Variants in HSPG2 observed in about 807,000 individuals in gnomAD.
HSPG2 encodes the protein heparan sulfate proteoglycan 2.
A neutral mutation model predicts 526.6 loss-of-function variants in HSPG2; 278 were observed. That is an observed-to-expected ratio of 0.53 (90% CI 0.48 to 0.58). The LOEUF (loss-of-function observed/expected upper bound fraction) is 0.58. HSPG2 is among the 20% of genes least tolerant of loss of function. The pLI is 0.00. For missense variants in HSPG2, 5,354 were observed against 6,099.5 expected, an observed-to-expected ratio of 0.88 and a Z score of 4.07; for synonymous variants, 2,465 against 2,555.4, an observed-to-expected ratio of 0.96 and a Z score of 1.07.
At position 21,865,767 on chromosome 1, in the gene HSPG2, T is replaced by C. The variant is rs765410574; in HGVS notation, c.4264A>G (p.Thr1422Ala). ...AGTGGGCTGCCCTGTGGGCCTGCTGTGTAGGAGAGGGTGTATCGCAACTTC... is the reference window on the plus strand; with the variant it reads ...AGTGGGCTGCCCTGTGGGCCTGCTGCGTAGGAGAGGGTGTATCGCAACTTC... ...GGKLRYTLSY[T>A]AGPQGSPLSD... The change falls in exon 34 of 97, where the codon ACA (threonine) becomes GCA (alanine). Residue 1422 changes from threonine (T) to alanine (A), a missense_variant. Physicochemically the swap from Thr to Ala is moderately conservative, Grantham distance 58. Transcript: ENST00000374695. This position sits in a 1 kb window ranked among gnomAD's most constrained non-coding sequence, Gnocchi z 5.4. 4 of 1,613,858 alleles carry C rather than the reference T, an allele frequency of 2.5e-6. No individual in the cohort carries two copies. Among genetic ancestry groups the C allele is most frequent in the Middle Eastern group, 1.6e-4 (1 of 6,062 alleles).
In HSPG2 at chr1:21,876,210, CTT is replaced by C; in HGVS notation, c.3003+17_3003+18del. The C allele has an allele frequency of 6.3e-7, 1 of 1,593,892 alleles. No individual in the cohort carries two copies. The highest frequency in any genetic ancestry group is 8.5e-7 in the Non-Finnish European group (1 of 1,169,796). On this transcript the variant is annotated intron_variant, in intron 23 of 96. Coordinates refer to ENST00000374695, the MANE Select transcript of HSPG2 (RefSeq NM_005529.7). ...TCCTGCTGCCTGGAGTTTCCTTTGCCTTTCCACCCACTACCCACCTTGTCCCC... is the reference window on the plus strand; with the variant it reads ...TCCTGCTGCCTGGAGTTTCCTTTGCCTCCACCCACTACCCACCTTGTCCCC...
intron 55 of HSPG2, chr1:21,851,340 C>T (rs985838184): frequency 4.1e-5 from 27 of 663,328 alleles, no homozygotes; most frequent in East Asian, 8.2e-5. Flanking sequence ...GTAACTTGTC[C>T]GAGGTCACAA....
At chr1:21,905,969 C>T (rs1643357880) in intron 1 of HSPG2, among the ~76,000 whole-genome samples, 1 of 152,222 alleles carries the variant, frequency 6.6e-6, no homozygotes, top group Non-Finnish European at 1.5e-5. Flanking sequence ...ATGATTGCAC[C>T]ACTGTACTCC....
rs2152744981 is a variant in HSPG2 at position 21,872,811 on chromosome 1, C to T, written c.3889-51G>A. 6.3e-7 allele frequency: 1 copy of T among 1,591,248 alleles called. No homozygotes were observed. Among genetic ancestry groups the T allele is most frequent in the East Asian group, 2.3e-5 (1 of 43,960 alleles). ...GGCAGGGGACTCAGTGGGTCTCCTG[C>T]ACCCCCAGCAGCCTGAGGCCAGCCT... On this transcript the variant is annotated intron_variant, in intron 31 of 96. Transcript: ENST00000374695. The surrounding 1 kb of genome is among the most constrained non-coding windows in gnomAD (Gnocchi z 5.5).
At chr1:21,922,854 C>T (rs970437929) in intron 1 of HSPG2, among the ~76,000 whole-genome samples, 4 of 152,162 alleles carry the variant, frequency 2.6e-5, no homozygotes, top group African/African-American at 9.7e-5. Flanking sequence ...AGTACCCCCT[C>T]CTCGACCCCT....
At chr1:21,906,609 A>G (rs1425830975) in intron 1 of HSPG2, among the ~76,000 whole-genome samples, 2 of 151,978 alleles carry the variant, frequency 1.3e-5, no homozygotes, top group African/African-American at 4.8e-5. Context: ...TCCTGGACAC[A>G]GAAACTCTCG....
At chr1:21,902,532 C>T (rs1643157997) in intron 1 of HSPG2, among the ~76,000 whole-genome samples, 1 of 152,222 alleles carries the variant, frequency 6.6e-6, no homozygotes, top group African/African-American at 2.4e-5. Context: ...GTTACCTGCT[C>T]CAGGTCACAC....
In HSPG2 at chr1:21,859,856, C is replaced by T. The variant is rs527364706; in HGVS notation, c.5161G>A (p.Gly1721Ser). The T allele has an allele frequency of 2.4e-5, 38 of 1,611,514 alleles. No homozygotes were observed. The East Asian group carries it at 3.1e-4, about 13-fold the overall frequency. Residue 1721 changes from glycine (G) to serine (S), a missense_variant, in exon 41 of 97, where the codon GGC becomes AGC. Physicochemically the swap from Gly to Ser is moderately conservative, Grantham distance 56 (BLOSUM62 0). Transcript: ENST00000374695. The surrounding 1 kb of genome is among the most constrained non-coding windows in gnomAD (Gnocchi z 5.3). ...GTACCTTGATGTCGCTGCTGGGTGCCGCTGGGCACAGGCCGCCCATCCTCA... is the reference window on the plus strand; with the variant it reads ...GTACCTTGATGTCGCTGCTGGGTGCTGCTGGGCACAGGCCGCCCATCCTCA... The part of the protein sequence containing the change: ...SREDGRPVPS[G>S]TQQRHQGSEL...
intron 20 of HSPG2, 59 bp from the exon 21 acceptor site, chr1:21,878,312 C>A: frequency 1.9e-6 from 3 of 1,592,298 alleles, no homozygotes; most frequent in Non-Finnish European, 2.6e-6. Flanking sequence ...GTGGTCCGGG[C>A]AGATAGAGGA....
rs1483844563 is a variant in HSPG2 at position 21,872,142 on chromosome 1, C to T, written c.4221+44G>A. On this transcript the variant is annotated intron_variant, in intron 33 of 96. Transcript: ENST00000374695. The surrounding 1 kb of genome is among the most constrained non-coding windows in gnomAD (Gnocchi z 5.5). ...CTGAGAGACGGCGCAGAGGTGAACT[C>T]ATGTCTGAGTCACGGCTGACCCTGG... 2 of 1,546,512 alleles carry T rather than the reference C, an allele frequency of 1.3e-6. No homozygotes were observed. Among genetic ancestry groups the T allele is most frequent in the Admixed American group, 3.9e-5 (2 of 51,010 alleles).
rs913426731 is a variant in HSPG2 at position 21,864,461 on chromosome 1, G to A, written c.4627-248C>T. 6.6e-6 allele frequency among the ~76,000 whole-genome samples: 1 copy of A among 152,166 alleles called. No homozygotes were observed. Among genetic ancestry groups the A allele is most frequent in the African/African-American group, 2.4e-5 (1 of 41,424 alleles). Reference sequence around the variant, plus strand: ...CGGAGTAATCTGTGTTTCTGAATTGGCTCCCTGTCTCTGGTGGGCCCCCTC... The same window carrying A: ...CGGAGTAATCTGTGTTTCTGAATTGACTCCCTGTCTCTGGTGGGCCCCCTC... On this transcript the variant is annotated intron_variant, in intron 36 of 96. Transcript: ENST00000374695. This position sits in a 1 kb window ranked among gnomAD's most constrained non-coding sequence, Gnocchi z 4.8.
chr1:21,929,495 C>A (rs755168443), intron 1 of HSPG2, among the ~76,000 whole-genome samples: 1 of 151,854 alleles, frequency 6.6e-6, no homozygotes, highest in Non-Finnish European at 1.5e-5. Flanking sequence ...GCAACCTCCA[C>A]CTCCTGGGCT....
intron 1 of HSPG2, among the ~76,000 whole-genome samples, chr1:21,935,066 C>T (rs1396775111): frequency 6.6e-6 from 1 of 151,110 alleles, no homozygotes; most frequent in South Asian, 2.1e-4. Flanking sequence ...GCCACCACAC[C>T]CGTCTAATTT....
In HSPG2 at chr1:21,823,296, C is replaced by G. The variant is rs568643216; in HGVS notation, c.*20G>C. On this transcript the variant is annotated 3_prime_UTR_variant, in exon 97 of 97. Coordinates refer to ENST00000374695, the MANE Select transcript of HSPG2 (RefSeq NM_005529.7). ...CGGGCTGGGGCGTGGCCCGGGAGTC[C>G]GTGTGGGGCAGGCAGGTGCCTACGA... The G allele has an allele frequency of 8.0e-6, 12 of 1,500,298 alleles. No homozygotes were observed. Among genetic ancestry groups the G allele is most frequent in the Non-Finnish European group, 1.1e-5 (12 of 1,125,506 alleles). 92.9% of individuals were successfully genotyped at this position (1,500,298 alleles called of 1,614,324 possible).
At position 21,859,733 on chromosome 1, in the gene HSPG2, C is replaced by G; in HGVS notation, c.5183-57G>C. Reference sequence around the variant, plus strand: ...CAGATACACTCTTTCTCACATCCAGCCCCATGCACAAGGACAGCATCCCAC... The same window carrying G: ...CAGATACACTCTTTCTCACATCCAGGCCCATGCACAAGGACAGCATCCCAC... On this transcript the variant is annotated intron_variant, in intron 41 of 96. Coordinates refer to ENST00000374695, the MANE Select transcript of HSPG2 (RefSeq NM_005529.7). The surrounding 1 kb of genome is among the most constrained non-coding windows in gnomAD (Gnocchi z 5.3). 6.3e-7 allele frequency: 1 copy of G among 1,581,698 alleles called. No homozygotes were observed. Among genetic ancestry groups the G allele is most frequent in the East Asian group, 2.3e-5 (1 of 44,002 alleles).
Position 21,865,439 on chromosome 1 carries a change from T to C in HSPG2, c.4315-74A>G. 4 of 1,397,088 alleles carry C rather than the reference T, an allele frequency of 2.9e-6. 1 individual carries two copies. The highest frequency in any genetic ancestry group is 4.1e-6 in the Non-Finnish European group (4 of 984,538). The allele number at this position is 1,397,088 out of a possible 1,614,324, so 86.5% of individuals were successfully genotyped here. ...GTGCCAGGGTGTCCTCCACCAGTCC[T>C]AGATTCTCTGTAACCCCCAGCCTCC... On this transcript the variant is annotated intron_variant, in intron 34 of 96. Coordinates refer to ENST00000374695, the MANE Select transcript of HSPG2 (RefSeq NM_005529.7). The surrounding 1 kb of genome is among the most constrained non-coding windows in gnomAD (Gnocchi z 5.4).
At chr1:21,870,533 C>T (rs1489538556) in intron 33 of HSPG2, among the ~76,000 whole-genome samples, 2 of 152,184 alleles carry the variant, frequency 1.3e-5, no homozygotes, top group African/African-American at 4.8e-5. Context: ...AGAGGCAAGG[C>T]CAGGGGAACC....
rs1454749471 is a variant in HSPG2 at position 21,859,784 on chromosome 1, C to T, written c.5182+51G>A. On this transcript the variant is annotated intron_variant, in intron 41 of 96. Transcript: ENST00000374695. This position sits in a 1 kb window ranked among gnomAD's most constrained non-coding sequence, Gnocchi z 5.3. Reference sequence around the variant, plus strand: ...TAGGGCAGGGACAGGCCCCTGCCTCCCCTCCCACTGGGATGGCTCTTGGGG... The same window carrying T: ...TAGGGCAGGGACAGGCCCCTGCCTCTCCTCCCACTGGGATGGCTCTTGGGG... 6.2e-7 allele frequency: 1 copy of T among 1,603,008 alleles called. No homozygotes were observed.
rs776742951 is a variant in HSPG2, at chr1:21,865,759, G to T, written c.4272C>A (p.Gly1424=). Residue 1424 remains glycine, a synonymous_variant, in exon 34 of 97, where the codon GGC becomes GGA. Coordinates refer to ENST00000374695, the MANE Select transcript of HSPG2 (RefSeq NM_005529.7). The surrounding 1 kb of genome is among the most constrained non-coding windows in gnomAD (Gnocchi z 5.4). The part of the protein sequence containing the change: ...KLRYTLSYTA[G]PQGSPLSDPD... Reference sequence around the variant, plus strand: ...GGTCAGAGAGTGGGCTGCCCTGTGGGCCTGCTGTGTAGGAGAGGGTGTATC... The same window carrying T: ...GGTCAGAGAGTGGGCTGCCCTGTGGTCCTGCTGTGTAGGAGAGGGTGTATC... The T allele has an allele frequency of 6.2e-7, 1 of 1,613,886 alleles. No homozygotes were observed. The highest frequency in any genetic ancestry group is 1.7e-5 in the Admixed American group (1 of 60,022).
Sources: allele counts gnomAD v4.1 joint callset (sites outside exome capture counted in the v4.1 genomes callset), GRCh38; gene constraint gnomAD v4.1.1; non-coding constraint Gnocchi (gnomAD v3.1); transcripts MANE v1.5; gene names NCBI Gene and HGNC (gene_info 2026-07-23, HGNC 2026-07-21).